Variants in USO1 observed in about 807,000 individuals in gnomAD.
USO1 encodes the protein general vesicular transport factor p115.
Under a neutral mutation model 124.5 loss-of-function variants are expected in USO1, and 57 were observed. The ratio of observed to expected loss-of-function variants is 0.46; its 90% CI spans 0.37 to 0.57. The LOEUF (loss-of-function observed/expected upper bound fraction) is 0.57. Among genes scored for constraint, USO1 ranks in the 20% least tolerant of loss-of-function variants. The pLI is 0.00. For missense variants in USO1, 900 were observed against 1,040.6 expected (o/e 0.86, Z 1.86); for synonymous variants, 369 against 362.8 (o/e 1.02, Z -0.19).
chr4:75,770,193 T>C (rs1373728678), intron 4 of USO1: 1 of 252,376 alleles, frequency 4.0e-6, no homozygotes, highest in Non-Finnish European at 7.4e-6. Flanking sequence ...AAAATATGAG[T>C]ATTTAAGTAT....
At chr4:75,792,393 C>T (rs949951844) in intron 12 of USO1, among the ~76,000 whole-genome samples, 6 of 152,082 alleles carry the variant, frequency 3.9e-5, no homozygotes, top group South Asian at 2.1e-4. Flanking sequence ...AAAAATTATC[C>T]GGGCATGGTG....
At position 75,810,434 on chromosome 4, in the gene USO1, A is replaced by G; in HGVS notation, c.2478A>G (p.Ala826=). The G allele has an allele frequency of 6.2e-7, 1 of 1,604,292 alleles. No individual in the cohort carries two copies. Among genetic ancestry groups the G allele is most frequent in the Non-Finnish European group, 8.5e-7 (1 of 1,177,130 alleles). ...TTTTTTCCAATTTCTAATTTCAGGC[A>G]AAATCAGTTGAGGTACAAGGAGAGA... ...QELLQKTEAF[A]KSVEVQGETE... Residue 826 remains alanine, a splice_region_variant and synonymous_variant, in exon 22 of 24, where the codon GCA becomes GCG. Coordinates refer to ENST00000514213, the MANE Select transcript of USO1 (RefSeq NM_003715.4).
chr4:75,799,876 G>C, intron 14 of USO1, 144 bp downstream of exon 14: 1 of 920,580 alleles, frequency 1.1e-6, no homozygotes, highest in Non-Finnish European at 1.6e-6. Flanking sequence ...TGTTAAAGTT[G>C]TTATGATGCT....
chr4:75,752,771 C>A (rs1212010104), intron 3 of USO1, among the ~76,000 whole-genome samples, 167 bp downstream of exon 3: 2 of 152,090 alleles, frequency 1.3e-5, no homozygotes, highest in Admixed American at 6.5e-5. Context: ...GGCGATCTGC[C>A]CACCTCGGCC....
intron 3 of USO1, among the ~76,000 whole-genome samples, chr4:75,754,403 T>G (rs1208393614): frequency 6.6e-6 from 1 of 152,154 alleles, no homozygotes; most frequent in Non-Finnish European, 1.5e-5. Context: ...TTTTAAGAGA[T>G]TTTATCTCCA....
At chr4:75,731,297 C>T (rs1237714635) in intron 1 of USO1, among the ~76,000 whole-genome samples, 2 of 152,200 alleles carry the variant, frequency 1.3e-5, no homozygotes, top group African/African-American at 4.8e-5. Context: ...CCTGGTGGCT[C>T]ACGCCTGTAA....
intron 15 of USO1, 67 bp from the exon 16 acceptor site, chr4:75,800,551 A>AG: frequency 6.6e-7 from 1 of 1,519,682 alleles, no homozygotes; most frequent in Non-Finnish European, 8.8e-7. Flanking sequence ...CATTATGTAG[A>AG]CCAAGCTTTT....
At chr4:75,796,634 A>G (rs1722690631) in intron 13 of USO1, among the ~76,000 whole-genome samples, 1 of 152,000 alleles carries the variant, frequency 6.6e-6, no homozygotes, top group Non-Finnish European at 1.5e-5. Context: ...CACCGCGCCC[A>G]GCCCGCAGCT....
rs756261195 is a variant in USO1 at position 75,759,910 on chromosome 4, T to TA, written c.295+2354dup. Among the ~76,000 whole-genome samples the TA allele has an allele frequency of 6.5e-3, 757 of 116,444 alleles. 2 individuals carry two copies. Among genetic ancestry groups the TA allele is most frequent in the African/African-American group, 0.016 (507 of 30,980 alleles). 76.4% of individuals were successfully genotyped at this position (116,444 alleles called of 152,430 possible). A position where few individuals can be genotyped will look rare whatever the true frequency, so the allele number is the denominator to read the frequency against. On this transcript the variant is annotated intron_variant, in intron 4 of 23. Transcript: ENST00000514213. Reference sequence around the variant, plus strand: ...TGGGCAACAGAACAAGACTCTGTCTTAAAAAAAAAAAAAAAAATAGACCAG... The same window carrying TA: ...TGGGCAACAGAACAAGACTCTGTCTTAAAAAAAAAAAAAAAAAATAGACCAG...
chr4:75,799,855 A>G (rs1179891078), intron 14 of USO1, 123 bp downstream of exon 14: 10 of 1,130,674 alleles, frequency 8.8e-6, no homozygotes, highest in South Asian at 7.9e-5. Flanking sequence ...CTGTGTTGCA[A>G]CTTTTTAAAC....
At chr4:75,771,339 A>G (rs550755078) in intron 7 of USO1, among the ~76,000 whole-genome samples, 24 of 152,242 alleles carry the variant, frequency 1.6e-4, no homozygotes, top group African/African-American at 5.5e-4. Flanking sequence ...GGCTCAAGCA[A>G]TCCTCCTGTC....
intron 17 of USO1, among the ~76,000 whole-genome samples, chr4:75,803,161 C>T (rs1188377100): frequency 1.3e-5 from 2 of 149,442 alleles, no homozygotes; most frequent in African/African-American, 4.9e-5. Flanking sequence ...GCATCAAAAA[C>T]ATTGAATATA....
chr4:75,734,994 G>T lies in USO1; in HGVS notation c.66+10109G>T, dbSNP rs377570486. On this transcript the variant is annotated intron_variant, in intron 1 of 23. Transcript: ENST00000514213. Reference sequence around the variant, plus strand: ...TCCACCCGCCTCAGCCTCCCAAAGTGCTGGGATTACAGACATGAGCCACCA... The same window carrying T: ...TCCACCCGCCTCAGCCTCCCAAAGTTCTGGGATTACAGACATGAGCCACCA... Among the ~76,000 whole-genome samples, 7 of 152,206 alleles carry T rather than the reference G, an allele frequency of 4.6e-5. No homozygotes were observed. In the East Asian group the frequency reaches 7.7e-4, roughly 17 times the overall value.
chr4:75,738,640 G>A (rs1459224654), intron 1 of USO1, among the ~76,000 whole-genome samples: 1 of 151,892 alleles, frequency 6.6e-6, no homozygotes, highest in Non-Finnish European at 1.5e-5. Flanking sequence ...ACAATGCTTG[G>A]CTAATTTTTA....
At chr4:75,790,295 A>AGGGGAAGAAAGAAAAAGAACAT in intron 11 of USO1, 57 bp downstream of exon 11, 1 of 1,544,584 alleles carries the variant, frequency 6.5e-7, no homozygotes, top group South Asian at 1.2e-5. Flanking sequence ...TGGGTTGTTA[A>AGGGGAAGAAAGAAAAAGAACAT]TGTATCTCAT....
intron 17 of USO1, 65 bp downstream of exon 17, chr4:75,801,265 CTTTT>C (rs1722843476): frequency 1.4e-6 from 2 of 1,452,190 alleles, no homozygotes; most frequent in Admixed American, 2.6e-5. Flanking sequence ...TTAAGGGAGC[CTTTT>C]TTTCTGACAT....
At chr4:75,751,113 T>C (rs1185608276) in intron 1 of USO1, among the ~76,000 whole-genome samples, 2 of 152,052 alleles carry the variant, frequency 1.3e-5, no homozygotes, top group African/African-American at 4.8e-5. Context: ...TAAGTTGTTA[T>C]CTGTTTTTTC....
chr4:75,789,822 G>A (rs1722476340), intron 10 of USO1, among the ~76,000 whole-genome samples: 2 of 151,506 alleles, frequency 1.3e-5, no homozygotes, highest in South Asian at 4.2e-4. Context: ...GAATAGTATA[G>A]TTTTTGAGAT....
intron 9 of USO1, among the ~76,000 whole-genome samples, chr4:75,785,332 GT>G (rs1722329837): frequency 6.6e-6 from 1 of 151,952 alleles, no homozygotes; most frequent in Admixed American, 6.6e-5. Context: ...CTTTTGAAAA[GT>G]TTTTTAGTTA....
Sources: allele counts gnomAD v4.1 joint callset (sites outside exome capture counted in the v4.1 genomes callset), GRCh38; gene constraint gnomAD v4.1.1; transcripts MANE v1.5; gene names NCBI Gene and HGNC (gene_info 2026-07-23, HGNC 2026-07-21).